The following CNTN5 variants were observed in gnomAD, a reference collection of about 807,000 sequenced individuals.
The protein encoded by CNTN5 is contactin-5.
CNTN5 carries 77 observed loss-of-function variants against 129.1 expected under a neutral mutation model. The ratio of observed to expected loss-of-function variants is 0.60; its 90% CI spans 0.50 to 0.72. The LOEUF (loss-of-function observed/expected upper bound fraction) is 0.72, where lower values mean the gene tolerates loss of function less well. CNTN5 is among the 30% of genes least tolerant of loss of function. The pLI is 0.00. For synonymous variants in CNTN5, 509 were observed against 465.6 expected (o/e 1.09, Z -1.20); for missense variants, 1,478 against 1,328.8 (o/e 1.11, Z -1.75).
intron 1 of CNTN5, among the ~76,000 whole-genome samples, chr11:99,075,093 G>A (rs1041631389): frequency 1.6e-4 from 25 of 152,212 alleles, no homozygotes; most frequent in African/African-American, 5.1e-4. Context: ...CTGCACTTTC[G>A]TGAATTATTC....
chr11:99,974,321 G>T lies in CNTN5; in HGVS notation c.877+17312G>T, dbSNP rs780895449. On this transcript the variant is annotated intron_variant, in intron 8 of 24. Coordinates refer to ENST00000524871, the MANE Select transcript of CNTN5 (RefSeq NM_014361.4). ...TATTGCTCAGTTAACATCAGTTAAG[G>T]GACAGGCACAAGGTCATAGTTGGTG... Among the ~76,000 whole-genome samples the T allele has an allele frequency of 1.5e-3, 235 of 152,214 alleles. 1 individual carries two copies. The highest frequency in any genetic ancestry group is 2.6e-3 in the Non-Finnish European group (178 of 68,006).
chr11:99,154,464 C>T (rs11218571), intron 1 of CNTN5, among the ~76,000 whole-genome samples: 28,088 of 152,096 alleles, frequency 0.18, 3,631 homozygotes, highest in East Asian at 0.68. Context: ...CGTGTTTGAG[C>T]ATCTGAGGTG....
At chr11:100,070,357 A>T in intron 10 of CNTN5, 67 bp from the exon 11 acceptor site, 4 of 1,482,830 alleles carry the variant, frequency 2.7e-6, no homozygotes, top group Non-Finnish European at 3.7e-6. Context: ...TTTTCCATGT[A>T]AATTTTAAAC....
At chr11:99,547,006 T>TC (rs1206236759) in intron 2 of CNTN5, among the ~76,000 whole-genome samples, 2 of 149,462 alleles carry the variant, frequency 1.3e-5, no homozygotes, top group Admixed American at 1.3e-4. Context: ...TTATTTTCTT[T>TC]TTTTTTTTTT....
intron 6 of CNTN5, among the ~76,000 whole-genome samples, chr11:99,912,894 A>G (rs1949698232): frequency 6.6e-6 from 1 of 151,986 alleles, no homozygotes; most frequent in Non-Finnish European, 1.5e-5. Flanking sequence ...TCAGTGTGTA[A>G]TTTGAACCTG....
chr11:99,739,628 G>GA (rs1347789294), intron 3 of CNTN5, among the ~76,000 whole-genome samples: 3 of 152,104 alleles, frequency 2.0e-5, no homozygotes, highest in Non-Finnish European at 4.4e-5. Flanking sequence ...GGAGATGGGA[G>GA]AAAAAACTAA....
chr11:99,793,491 C>T (rs2135446956), intron 3 of CNTN5, among the ~76,000 whole-genome samples: 1 of 152,232 alleles, frequency 6.6e-6, no homozygotes, highest in South Asian at 2.1e-4. Context: ...GGGTGATTTG[C>T]TGTTGTACTT....
intron 1 of CNTN5, among the ~76,000 whole-genome samples, chr11:99,073,373 G>GTTTTTTTTTTTTT (rs1491116506): frequency 1.1e-5 from 1 of 87,328 alleles, no homozygotes. Flanking sequence ...TTTATGGTTT[G>GTTTTTTTTTTTTT]GTTTTTTTTT....
chr11:99,308,259 A>G (rs557932553), intron 1 of CNTN5, among the ~76,000 whole-genome samples: 7 of 152,184 alleles, frequency 4.6e-5, no homozygotes, highest in African/African-American at 1.7e-4. Flanking sequence ...GAAAAGCAAC[A>G]AATAAAGAGC....
chr11:99,815,720 C>T (rs1031681648), intron 3 of CNTN5, among the ~76,000 whole-genome samples: 34 of 152,264 alleles, frequency 2.2e-4, no homozygotes, highest in African/African-American at 7.9e-4. Flanking sequence ...ACCATCTTCT[C>T]CACACCTAAT....
intron 2 of CNTN5, among the ~76,000 whole-genome samples, chr11:99,537,785 C>A (rs1408670822): frequency 6.6e-6 from 1 of 152,046 alleles, no homozygotes; most frequent in East Asian, 1.9e-4. Flanking sequence ...AACACAGTAC[C>A]CCGTGGACAC....
chr11:99,339,521 T>G (rs1469554370), intron 2 of CNTN5, among the ~76,000 whole-genome samples: 1 of 152,092 alleles, frequency 6.6e-6, no homozygotes, highest in East Asian at 1.9e-4. Context: ...GGCTCACACC[T>G]GTAATCCCAG....
intron 1 of CNTN5, among the ~76,000 whole-genome samples, chr11:99,026,800 T>A (rs1347524557): frequency 6.6e-6 from 1 of 151,744 alleles, no homozygotes; most frequent in Non-Finnish European, 1.5e-5. Context: ...AATTTGAAGA[T>A]CAGAGCTTTT....
chr11:99,579,786 T>G (rs1949506135), intron 3 of CNTN5, among the ~76,000 whole-genome samples: 1 of 150,288 alleles, frequency 6.7e-6, no homozygotes, highest in African/African-American at 2.5e-5. Flanking sequence ...ACAGGGACAA[T>G]TTGACTTCCT....
chr11:99,727,427 T>C (rs1943388394), intron 3 of CNTN5, among the ~76,000 whole-genome samples: 1 of 151,888 alleles, frequency 6.6e-6, no homozygotes. Context: ...ATCTCTTTTG[T>C]TTCTGATATG....
chr11:100,278,678 T>G (rs1950568870), intron 18 of CNTN5, among the ~76,000 whole-genome samples: 1 of 152,068 alleles, frequency 6.6e-6, no homozygotes, highest in Non-Finnish European at 1.5e-5. Flanking sequence ...TTACTAAATT[T>G]GTTCATCAGT....
intron 1 of CNTN5, among the ~76,000 whole-genome samples, chr11:99,212,480 T>C (rs1384078032): frequency 1.3e-5 from 2 of 152,186 alleles, no homozygotes; most frequent in African/African-American, 4.8e-5. Flanking sequence ...CTGAGCATCA[T>C]GCGGTTCTTC....
At chr11:99,130,610 C>T (rs1343503224) in intron 1 of CNTN5, among the ~76,000 whole-genome samples, 1 of 152,026 alleles carries the variant, frequency 6.6e-6, no homozygotes, top group African/African-American at 2.4e-5. Flanking sequence ...ACCAAGTGGA[C>T]CTAATAGATA....
At chr11:99,162,871 C>T (rs1033274299) in intron 1 of CNTN5, among the ~76,000 whole-genome samples, 2 of 152,156 alleles carry the variant, frequency 1.3e-5, no homozygotes, top group Non-Finnish European at 2.9e-5. Flanking sequence ...CATGATTCTA[C>T]AAGAAAGATT....
Sources: gnomAD v4.1 joint callset for allele counts (sites outside exome capture counted in the v4.1 genomes callset) on GRCh38, gnomAD v4.1.1 for gene constraint, MANE v1.5 for transcripts, NCBI Gene and HGNC (gene_info 2026-07-23, HGNC 2026-07-21) for gene names.